SNRNP40: variants seen among roughly 807,000 people sequenced by gnomAD.
SNRNP40 encodes small nuclear ribonucleoprotein U5 subunit 40, also known as U5 small nuclear ribonucleoprotein 40 kDa protein.
A neutral mutation model predicts 45.8 loss-of-function variants in SNRNP40; 21 were observed. The ratio of observed to expected loss-of-function variants is 0.46; its 90% CI spans 0.32 to 0.66. The LOEUF (loss-of-function observed/expected upper bound fraction) is 0.66, where lower values mean the gene tolerates loss of function less well. Among genes scored for constraint, SNRNP40 ranks in the 30% least tolerant of loss-of-function variants. The pLI, the probability that SNRNP40 is intolerant of heterozygous loss-of-function variation, is 0.03. For synonymous variants in SNRNP40, 142 were observed against 163.8 expected, an observed-to-expected ratio of 0.87 and a Z score of 1.01; for missense variants, 344 against 439.1, an observed-to-expected ratio of 0.78 and a Z score of 1.94.
chr1:31,285,179 A>T (rs1646048496), intron 4 of SNRNP40, among the ~76,000 whole-genome samples: 1 of 152,172 alleles, frequency 6.6e-6, no homozygotes, highest in Non-Finnish European at 1.5e-5. Flanking sequence ...CTTGGAAGTA[A>T]AAAGAACACT....
chr1:31,272,644 T>C (rs1645946647), intron 5 of SNRNP40, among the ~76,000 whole-genome samples: 1 of 152,240 alleles, frequency 6.6e-6, no homozygotes, highest in Non-Finnish European at 1.5e-5. Context: ...ATGCTTAGCA[T>C]ATGCCGGGCA....
chr1:31,266,327 T>C (rs11804158), intron 8 of SNRNP40, among the ~76,000 whole-genome samples: 12,742 of 152,136 alleles, frequency 0.084, 1,777 homozygotes, highest in African/African-American at 0.29. Flanking sequence ...TTCAGTAGGA[T>C]TGAAAGAGAA....
intron 1 of SNRNP40, among the ~76,000 whole-genome samples, chr1:31,294,570 C>T (rs1393187538): frequency 1.3e-5 from 2 of 151,592 alleles, no homozygotes; most frequent in Non-Finnish European, 2.9e-5. Context: ...AGCGATTCTC[C>T]TGCATCAGCC....
intron 4 of SNRNP40, among the ~76,000 whole-genome samples, chr1:31,283,535 G>A (rs2148388056): frequency 6.6e-6 from 1 of 152,234 alleles, no homozygotes; most frequent in Middle Eastern, 3.4e-3. Context: ...CCCGGGGAGT[G>A]GAGGTTGCAG....
At chr1:31,280,858 G>A (rs978182018) in intron 5 of SNRNP40, among the ~76,000 whole-genome samples, 2 of 151,998 alleles carry the variant, frequency 1.3e-5, no homozygotes, top group Non-Finnish European at 2.9e-5. Flanking sequence ...CTAGAAAATG[G>A]TGAAACTGGG....
chr1:31,261,054 T>C (rs751690944), intron 9 of SNRNP40: 1 of 1,281,684 alleles, frequency 7.8e-7, no homozygotes, highest in South Asian at 1.2e-5. Flanking sequence ...ATAAAGACTG[T>C]TTGCAGCTGG....
At chr1:31,269,447 A>G in intron 6 of SNRNP40, 1 of 1,250,982 alleles carries the variant, frequency 8.0e-7, no homozygotes, top group Non-Finnish European at 1.0e-6. Context: ...AACTGGGGCT[A>G]GCTGAGGGGG....
chr1:31,260,935 TA>T (rs767108706), intron 9 of SNRNP40: 66 of 980,106 alleles, frequency 6.7e-5, no homozygotes, highest in South Asian at 3.5e-4. Context: ...GAAGTAAATT[TA>T]AAAAAAAATT....
At chr1:31,287,859 G>T (rs1026846431) in intron 4 of SNRNP40, among the ~76,000 whole-genome samples, 2 of 152,158 alleles carry the variant, frequency 1.3e-5, no homozygotes, top group Non-Finnish European at 2.9e-5. Context: ...CTAGCTGGGC[G>T]TGGTATGGGT....
chr1:31,271,412 A>C lies in SNRNP40; in HGVS notation c.742T>G (p.Ser248Ala), dbSNP rs887566228. The C allele has an allele frequency of 4.3e-6, 7 of 1,613,894 alleles. No individual in the cohort carries two copies. The highest frequency in any genetic ancestry group is 5.9e-6 in the Non-Finnish European group (7 of 1,179,980). ...TCCATTGCATTGGACAAAAGATAAG[A>C]GCCTTCAGAACTTAAACTCAGGCCA... ...VTGLSLSSEG[S>A]YLLSNAMDNT... The change falls in exon 6 of 10, where the codon TCT (serine) becomes GCT (alanine). Residue 248 changes from serine (S) to alanine (A), a missense_variant. Coordinates refer to ENST00000263694, the MANE Select transcript of SNRNP40 (RefSeq NM_004814.3).
intron 8 of SNRNP40, among the ~76,000 whole-genome samples, chr1:31,262,365 C>T (rs1417822286): frequency 2.0e-5 from 3 of 151,264 alleles, no homozygotes; most frequent in Non-Finnish European, 4.4e-5. Context: ...ACTAAAAATA[C>T]AAAAAATTAG....
intron 5 of SNRNP40, 68 bp downstream of exon 5, chr1:31,281,306 A>G: frequency 5.1e-6 from 7 of 1,384,134 alleles, no homozygotes; most frequent in Non-Finnish European, 7.0e-6. Flanking sequence ...CAATCTCAGA[A>G]GTTTGAAAAA....
chr1:31,267,332 C>T lies in SNRNP40; in HGVS notation c.920+539G>A, dbSNP rs779769795. 5.9e-5 allele frequency among the ~76,000 whole-genome samples: 9 copies of T among 152,280 alleles called. No individual in the cohort carries two copies. In the South Asian group the frequency reaches 1.2e-3, roughly 21 times the overall value. On this transcript the variant is annotated intron_variant, in intron 8 of 9. Transcript: ENST00000263694. ...TATTCTGATGGCAAAGGGAACCCAA[C>T]AGAATCAAACAAATTGTTGATCCTC... is the stretch of plus-strand genomic sequence containing the variant.
At chr1:31,273,310 C>T (rs1231256191) in intron 5 of SNRNP40, among the ~76,000 whole-genome samples, 1 of 152,074 alleles carries the variant, frequency 6.6e-6, no homozygotes, top group African/African-American at 2.4e-5. Flanking sequence ...GCCTGTACAC[C>T]TTGTTTGTGC....
At chr1:31,262,201 T>C (rs1462804377) in intron 8 of SNRNP40, among the ~76,000 whole-genome samples, 1 of 152,074 alleles carries the variant, frequency 6.6e-6, no homozygotes, top group African/African-American at 2.4e-5. Context: ...TACTGAATTC[T>C]AGAATGGGAA....
intron 6 of SNRNP40, chr1:31,269,782 T>A (rs6425726): frequency 0.13 from 20,476 of 156,798 alleles, 1,490 homozygotes; most frequent in Non-Finnish European, 0.15. Context: ...AAAGTAAACA[T>A]TGATTCTATC....
rs143707104 is a variant in SNRNP40 at position 31,292,827 on chromosome 1, A to G, written c.271+392T>C. ...TAGGATTCCTTCCTTCCCATATGCT[A>G]GCTAGGATTCTGGGTGTGAATTAAG... On this transcript the variant is annotated intron_variant, in intron 2 of 9. Transcript: ENST00000263694. 394 of 181,082 alleles carry G rather than the reference A, an allele frequency of 2.2e-3. 3 individuals are homozygous for G. Among genetic ancestry groups the G allele is most frequent in the African/African-American group, 9.1e-3 (380 of 41,766 alleles). 11.2% of individuals were successfully genotyped at this position (181,082 alleles called of 1,614,324 possible). A position where few individuals can be genotyped will look rare whatever the true frequency, so the allele number is the denominator to read the frequency against.
At chr1:31,262,056 G>A (rs1645862549) in intron 8 of SNRNP40, among the ~76,000 whole-genome samples, 1 of 152,174 alleles carries the variant, frequency 6.6e-6, no homozygotes, top group South Asian at 2.1e-4. Context: ...TGATCCAGAT[G>A]AACTTTTTAG....
At chr1:31,291,336 G>A (rs1190660650) in intron 3 of SNRNP40, among the ~76,000 whole-genome samples, 1 of 149,770 alleles carries the variant, frequency 6.7e-6, no homozygotes, top group Non-Finnish European at 1.5e-5. Context: ...TAGAAATATA[G>A]ACTATTTTTT....
Sources: allele counts gnomAD v4.1 joint callset (sites outside exome capture counted in the v4.1 genomes callset), GRCh38; gene constraint gnomAD v4.1.1; transcripts MANE v1.5; gene names NCBI Gene and HGNC (gene_info 2026-07-23, HGNC 2026-07-21).